Variants in PHF19 observed in about 807,000 individuals in gnomAD.
The protein encoded by PHF19 is PHD finger protein 19.
In PHF19, 21 loss-of-function variants were observed where a neutral mutation model predicts 79.8. The observed-to-expected ratio is 0.26, with a 90% CI of 0.19 to 0.38. PHF19 has a LOEUF of 0.38. PHF19 is among the 10% of genes least tolerant of loss of function. PHF19 has a pLI of 1.00. For synonymous variants in PHF19, 273 were observed against 296.3 expected, an observed-to-expected ratio of 0.92 and a Z score of 0.81; for missense variants, 445 against 744.2, an observed-to-expected ratio of 0.60 and a Z score of 4.68.
upstream of PHF19, among the ~76,000 whole-genome samples, chr9:120,898,693 G>A (rs774554539): frequency 6.6e-6 from 1 of 152,206 alleles, no homozygotes; most frequent in Non-Finnish European, 1.5e-5. Flanking sequence ...GGCATAAACT[G>A]ATCTTGGTTC....
At position 120,865,849 on chromosome 9, in the gene PHF19, A is replaced by C; in HGVS notation, c.780-19T>G. On this transcript the variant is annotated intron_variant, in intron 8 of 14. Coordinates refer to ENST00000373896, the MANE Select transcript of PHF19 (RefSeq NM_015651.3). ...ATCCACCCTGGGCAAGGGGGCAAGGAGGTGGGACCAGGTGAGGTGGCAGCC... is the reference window on the plus strand; with the variant it reads ...ATCCACCCTGGGCAAGGGGGCAAGGCGGTGGGACCAGGTGAGGTGGCAGCC... 3 of 1,613,966 alleles carry C rather than the reference A, an allele frequency of 1.9e-6. No individual in the cohort carries two copies.
chr9:120,863,902 C>G (rs1162657452), intron 10 of PHF19, 147 bp downstream of exon 10: 1 of 708,064 alleles, frequency 1.4e-6, no homozygotes, highest in Non-Finnish European at 2.4e-6. Context: ...AGGTGGGGTA[C>G]CCCCTGGATC....
At chr9:120,880,815 C>T (rs545929565), upstream of PHF19, among the ~76,000 whole-genome samples, 5 of 151,928 alleles carry the variant, frequency 3.3e-5, no homozygotes, top group Non-Finnish European at 5.9e-5. Context: ...CAAAAATTAG[C>T]TGGGCATGAT....
chr9:120,873,490 G>C (rs2045961748), intron 3 of PHF19, among the ~76,000 whole-genome samples: 1 of 152,204 alleles, frequency 6.6e-6, no homozygotes, highest in African/African-American at 2.4e-5. Context: ...CTGCTTTATT[G>C]GTTTTTCTCC....
intron 1 of PHF19, among the ~76,000 whole-genome samples, chr9:120,884,361 G>A (rs1351422829): frequency 1.3e-5 from 2 of 152,160 alleles, no homozygotes; most frequent in African/African-American, 4.8e-5. Context: ...GAGTCGATCC[G>A]CGTGAGGTGG....
upstream of PHF19, among the ~76,000 whole-genome samples, chr9:120,899,103 G>A (rs1320789904): frequency 6.6e-6 from 1 of 151,962 alleles, no homozygotes; most frequent in Non-Finnish European, 1.5e-5. Context: ...GGAGTCTGAG[G>A]CAGGAGAATC....
chr9:120,878,914 A>G (rs571637837), upstream of PHF19, among the ~76,000 whole-genome samples: 1 of 152,354 alleles, frequency 6.6e-6, no homozygotes, highest in African/African-American at 2.4e-5. Flanking sequence ...TGATGGGAGC[A>G]GAACACTCCC....
intron 3 of PHF19, among the ~76,000 whole-genome samples, chr9:120,873,271 A>T (rs2131555832): frequency 6.6e-6 from 1 of 152,308 alleles, no homozygotes. Context: ...CCAAGTTGAA[A>T]GTACATGTGT....
intron 1 of PHF19, among the ~76,000 whole-genome samples, chr9:120,890,101 G>T (rs1327474052): frequency 6.6e-6 from 1 of 152,198 alleles, no homozygotes; most frequent in Non-Finnish European, 1.5e-5. Context: ...TCAGTGCCCA[G>T]TTCAAGACCT....
At chr9:120,896,326 A>G (rs1232489770), upstream of PHF19, among the ~76,000 whole-genome samples, 1 of 151,774 alleles carries the variant, frequency 6.6e-6, no homozygotes, top group Non-Finnish European at 1.5e-5. Flanking sequence ...CCAATTGTGT[A>G]GTGGAGGAGA....
chr9:120,872,066 A>AAAAAG (rs1564506588), intron 3 of PHF19, among the ~76,000 whole-genome samples: 3 of 148,492 alleles, frequency 2.0e-5, no homozygotes, highest in Non-Finnish European at 3.0e-5. Flanking sequence ...AAAAAAAAAA[A>AAAAAG]AAGAAATGGT....
At chr9:120,873,064 C>T (rs1051898274) in intron 3 of PHF19, among the ~76,000 whole-genome samples, 20 of 152,210 alleles carry the variant, frequency 1.3e-4, no homozygotes, top group Non-Finnish European at 7.3e-5. Flanking sequence ...GAAACTAAAA[C>T]TCAGGTCATA....
At chr9:120,880,997 C>T (rs892056825), upstream of PHF19, among the ~76,000 whole-genome samples, 1 of 151,882 alleles carries the variant, frequency 6.6e-6, no homozygotes, top group African/African-American at 2.4e-5. Context: ...CAAAGAAATA[C>T]AAAATAAGCT....
chr9:120,895,224 G>C (rs1468671), upstream of PHF19, among the ~76,000 whole-genome samples: 104,382 of 151,994 alleles, frequency 0.69, 36,128 homozygotes, highest in South Asian at 0.82. Context: ...ACACCTTAAT[G>C]TACCCTGGCC....
intron 9 of PHF19, 22 bp from the exon 10 acceptor site, chr9:120,864,138 G>A (rs2045624915): frequency 6.2e-7 from 1 of 1,610,604 alleles, no homozygotes; most frequent in African/African-American, 1.3e-5. Flanking sequence ...CAGGCCAGCA[G>A]GACATCAGAC....
At chr9:120,876,255 T>A (rs572791395) in intron 1 of PHF19, 21 of 152,418 alleles carry the variant, frequency 1.4e-4, no homozygotes, top group Admixed American at 5.2e-4. Flanking sequence ...GGGCAGGGGA[T>A]GCGGTCTGAA....
At chr9:120,896,016 C>T (rs552875151), upstream of PHF19, among the ~76,000 whole-genome samples, 1 of 152,214 alleles carries the variant, frequency 6.6e-6, no homozygotes, top group South Asian at 2.1e-4. Flanking sequence ...AAAGCTGTTA[C>T]CAAAAAACTC....
Position 120,870,582 on chromosome 9 carries a change from G to A in PHF19, c.269-44C>T, listed in dbSNP as rs774216903. 1 of 1,183,028 alleles carries A rather than the reference G, an allele frequency of 8.5e-7. No homozygotes were observed. The highest frequency in any genetic ancestry group is 2.3e-5 in the East Asian group (1 of 42,820). The allele number at this position is 1,183,028 out of a possible 1,614,324, so 73.3% of individuals were successfully genotyped here. On this transcript the variant is annotated intron_variant, in intron 3 of 14. Coordinates refer to ENST00000373896, the MANE Select transcript of PHF19 (RefSeq NM_015651.3). The surrounding 1 kb of genome is among the most constrained non-coding windows in gnomAD (Gnocchi z 4.4). ...AGGGTCGGGTCCAGCTCACAGGAAT[G>A]GAAGTTTTATACTCACATTCCAGAT...
rs1343827539 is a variant in PHF19 at position 120,860,838 on chromosome 9, C to CGAGCAAAGAT, written c.1304+241_1304+250dup. On this transcript the variant is annotated intron_variant, in intron 13 of 14. Transcript: ENST00000373896. The surrounding 1 kb of genome is among the most constrained non-coding windows in gnomAD (Gnocchi z 4.1). The stretch of plus-strand genomic sequence containing the variant: ...GGTATCTCAGGCAGAGGGAGCAATA[C>CGAGCAAAGAT]GAGCAAAGATGAGCAAGCATCAAAC... 2.0e-4 allele frequency: 88 copies of CGAGCAAAGAT among 435,956 alleles called. No individual in the cohort carries two copies. The East Asian group carries it at 3.4e-3, about 17-fold the overall frequency. The allele number at this position is 435,956 out of a possible 1,614,324, so 27.0% of individuals were successfully genotyped here.
Sources: gnomAD v4.1 joint callset for allele counts (sites outside exome capture counted in the v4.1 genomes callset) on GRCh38, gnomAD v4.1.1 for gene constraint, Gnocchi (gnomAD v3.1) non-coding constraint, MANE v1.5 for transcripts, NCBI Gene and HGNC (gene_info 2026-07-23, HGNC 2026-07-21) for gene names.